Variants in MMP11 observed in about 807,000 individuals in gnomAD.
The protein encoded by MMP11 is matrix metallopeptidase 11.
MMP11 carries 26 observed loss-of-function variants against 49.5 expected under a neutral mutation model. The observed-to-expected ratio is 0.52, with a 90% confidence interval of 0.38 to 0.73. The LOEUF (loss-of-function observed/expected upper bound fraction) is 0.73. Ranked by LOEUF, MMP11 falls within the 30% of genes least tolerant of loss-of-function variation. MMP11 has a pLI of 0.00. For missense variants in MMP11, 624 were observed against 671.2 expected (o/e 0.93, Z 0.78); for synonymous variants, 265 against 282.3 (o/e 0.94, Z 0.62).
intron 6 of MMP11, chr22:23,781,872 T>C (rs1927645475): frequency 3.2e-6 from 2 of 618,018 alleles, no homozygotes; most frequent in Non-Finnish European, 6.2e-6. Context: ...AGGCACAGCA[T>C]GGGAAACCTG....
chr22:23,779,410 C>T lies in MMP11; in HGVS notation c.332C>T (p.Thr111Ile), dbSNP rs1179769301. The T allele has an allele frequency of 9.9e-6, 16 of 1,610,690 alleles. No homozygotes were observed. Among genetic ancestry groups the T allele is most frequent in the Non-Finnish European group, 1.1e-5 (13 of 1,178,864 alleles). The change falls in exon 2 of 8, where the codon ACC becomes ATC. Residue 111 changes from threonine to isoleucine, a missense_variant. By Grantham distance (89) the Thr-to-Ile change is moderately conservative. Transcript: ENST00000215743. ...GGGCGCTGGGAGAAGACGGACCTCA[C>T]CTACAGGTAGGGGCCTGGGAGCAGG... ...SGGRWEKTDL[T>I]YRILRFPWQL...
intron 1 of MMP11, among the ~76,000 whole-genome samples, 164 bp from the exon 2 acceptor site, chr22:23,779,023 G>T (rs1360355827): frequency 6.6e-6 from 1 of 152,202 alleles, no homozygotes; most frequent in Non-Finnish European, 1.5e-5. Context: ...GAGCCAGCCA[G>T]ATGCCAAAGG....
intron 2 of MMP11, 85 bp downstream of exon 2, chr22:23,779,501 C>A: frequency 8.3e-7 from 1 of 1,205,686 alleles, no homozygotes; most frequent in Non-Finnish European, 1.2e-6. Context: ...GCTTGAGACA[C>A]AGGCCAGGGT....
intron 2 of MMP11, 200 bp downstream of exon 2, chr22:23,779,616 C>T: frequency 1.7e-6 from 1 of 585,298 alleles, no homozygotes. Context: ...ATATGGAGAC[C>T]CTCCCTCAGC....
intron 1 of MMP11, among the ~76,000 whole-genome samples, chr22:23,773,558 AGT>A (rs1009703430): frequency 2.0e-5 from 3 of 152,048 alleles, no homozygotes; most frequent in Admixed American, 1.3e-4. Context: ...GTATGAGTGC[AGT>A]GTGTGTGTGA....
intron 1 of MMP11, among the ~76,000 whole-genome samples, chr22:23,778,752 G>A (rs937631143): frequency 4.6e-5 from 7 of 152,244 alleles, no homozygotes; most frequent in Admixed American, 2.0e-4. Context: ...TGACCCAGGT[G>A]TGTCTGAACT....
In MMP11 at chr22:23,779,288, G is replaced by A. The variant is rs144916948; in HGVS notation, c.210G>A (p.Arg70=). ...CCCCTGCCACGCAGGAAGCCCCCCG[G>A]CCTGCCAGCAGCCTCAGGCCTCCCC... ...APAPATQEAP[R]PASSLRPPRC... Residue 70 remains arginine, a synonymous_variant, in exon 2 of 8, where the codon CGG becomes CGA. Transcript: ENST00000215743. The A allele has an allele frequency of 6.2e-7, 1 of 1,610,580 alleles. No homozygotes were observed. The highest frequency in any genetic ancestry group is 8.5e-7 in the Non-Finnish European group (1 of 1,178,992).
chr22:23,780,316 G>A lies in MMP11; in HGVS notation c.339-43G>A, dbSNP rs201480937. 165 of 1,611,256 alleles carry A rather than the reference G, an allele frequency of 1.0e-4. 4 individuals are homozygous for A. In the South Asian group the frequency reaches 1.8e-3, roughly 17 times the overall value. On this transcript the variant is annotated intron_variant, in intron 2 of 7. Transcript: ENST00000215743. The surrounding 1 kb of genome is among the most constrained non-coding windows in gnomAD (Gnocchi z 4.6). ...ACTCCTGGTGCCTCAGCCATCGGGG[G>A]CTGTCCCTTCCCTGAGGCCCAGGCC...
rs1419652793 is a variant in MMP11, at chr22:23,781,098, G to A, written c.856G>A (p.Glu286Lys). Residue 286 changes from glutamate to lysine, a missense_variant and splice_region_variant, in exon 5 of 8, where the codon GAG becomes AAG. Glu to Lys is a moderately conservative substitution (Grantham distance 56, BLOSUM62 1). Coordinates refer to ENST00000215743, the MANE Select transcript of MMP11 (RefSeq NM_005940.5). ...GIDTNEIAPL[E>K]PDAPPDACEA... ...AGACACCAATGAGATTGCACCGCTGGAGGTGAGGCCCTGCCTGCCAGTCCC... is the reference window on the plus strand; with the variant it reads ...AGACACCAATGAGATTGCACCGCTGAAGGTGAGGCCCTGCCTGCCAGTCCC... The A allele has an allele frequency of 1.2e-6, 2 of 1,607,522 alleles. No individual in the cohort carries two copies. Among genetic ancestry groups the A allele is most frequent in the Non-Finnish European group, 1.7e-6 (2 of 1,179,572 alleles).
chr22:23,773,618 A>G (rs1489916714), intron 1 of MMP11, among the ~76,000 whole-genome samples: 1 of 152,038 alleles, frequency 6.6e-6, no homozygotes, highest in Non-Finnish European at 1.5e-5. Context: ...GGAAAGGGAG[A>G]AAATGTGTGC....
In MMP11 at chr22:23,783,867, C is replaced by G; in HGVS notation, c.*323C>G. 1 of 378,900 alleles carries G rather than the reference C, an allele frequency of 2.6e-6. No individual in the cohort carries two copies. Among genetic ancestry groups the G allele is most frequent in the Non-Finnish European group, 5.0e-6 (1 of 199,320 alleles). 23.5% of individuals were successfully genotyped at this position (378,900 alleles called of 1,614,324 possible). On this transcript the variant is annotated 3_prime_UTR_variant, in exon 8 of 8. Coordinates refer to ENST00000215743, the MANE Select transcript of MMP11 (RefSeq NM_005940.5). ...CCTGTCCCTCAGGGTAGCACCATGG[C>G]AGGACTGGGGGAACTGGAGTGTCCT... is the stretch of plus-strand genomic sequence containing the variant.
Position 23,779,241 on chromosome 22 carries a change from C to G in MMP11, c.163C>G (p.Leu55Val). Residue 55 changes from leucine to valine, a missense_variant, in exon 2 of 8, where the codon CTG (leucine) becomes GTG (valine). Physicochemically the swap from Leu to Val is conservative, Grantham distance 32. Transcript: ENST00000215743. Reference protein sequence around the residue: ...RRGPQPWHAALPSSPAPAPAT... With the variant: ...RRGPQPWHAAVPSSPAPAPAT... ...GGGGCCACAGCCCTGGCATGCAGCCCTGCCCAGTAGCCCGGCACCTGCCCC... is the reference window on the plus strand; with the variant it reads ...GGGGCCACAGCCCTGGCATGCAGCCGTGCCCAGTAGCCCGGCACCTGCCCC... 9.3e-6 allele frequency: 15 copies of G among 1,609,190 alleles called. No individual in the cohort carries two copies. The highest frequency in any genetic ancestry group is 1.3e-5 in the Non-Finnish European group (15 of 1,178,454).
chr22:23,779,087 G>C, intron 1 of MMP11, 100 bp from the exon 2 acceptor site: 1 of 950,044 alleles, frequency 1.1e-6, no homozygotes, highest in Non-Finnish European at 1.6e-6. Flanking sequence ...CCACACAGTG[G>C]GCTGGGGTTG....
chr22:23,779,054 C>G, intron 1 of MMP11, 133 bp from the exon 2 acceptor site: 2 of 703,462 alleles, frequency 2.8e-6, no homozygotes, highest in Non-Finnish European at 4.7e-6. Flanking sequence ...GTGCCGGTGC[C>G]CTTTCCCTCT....
At chr22:23,782,529 G>A (rs765801370) in intron 7 of MMP11, 46 bp downstream of exon 7, 14 of 1,557,884 alleles carry the variant, frequency 9.0e-6, no homozygotes, top group South Asian at 2.3e-5. Flanking sequence ...CACAGCAGCC[G>A]CTTCTCCCAC....
chr22:23,782,543 GT>G (rs1927678415), intron 7 of MMP11, 60 bp downstream of exon 7: 4 of 1,528,030 alleles, frequency 2.6e-6, no homozygotes, highest in Admixed American at 1.9e-5. Flanking sequence ...CTCCCACCTG[GT>G]GGTGGCTGGG....
rs187706485 is a variant in MMP11 at position 23,776,590 on chromosome 22, G to A, written c.109-2597G>A. On this transcript the variant is annotated intron_variant, in intron 1 of 7. Coordinates refer to ENST00000215743, the MANE Select transcript of MMP11 (RefSeq NM_005940.5). ...GGAAGGGTAACTCAACCCCTGCAGA[G>A]CAGAGCAGAGGTAGCAGGGAGCTGG... Among the ~76,000 whole-genome samples, 756 of 152,338 alleles carry A rather than the reference G, an allele frequency of 5.0e-3. 20 individuals are homozygous for A. In the South Asian group the frequency reaches 0.085, roughly 17 times the overall value.
intron 1 of MMP11, 98 bp downstream of exon 1, chr22:23,773,076 G>A (rs909739854): frequency 2.2e-5 from 24 of 1,068,266 alleles, no homozygotes; most frequent in Non-Finnish European, 2.7e-5. Flanking sequence ...GGCGCCCCGG[G>A]TGGCCTCCAG....
chr22:23,782,406 A>G lies in MMP11; in HGVS notation c.1256A>G (p.Asp419Gly). The G allele has an allele frequency of 6.2e-7, 1 of 1,613,808 alleles. No homozygotes were observed. Among genetic ancestry groups the G allele is most frequent in the African/African-American group, 1.3e-5 (1 of 75,008 alleles). The change falls in exon 7 of 8, where the codon GAC becomes GGC. Residue 419 changes from aspartate to glycine, a missense_variant. Asp to Gly is a moderately conservative substitution (Grantham distance 94, BLOSUM62 -1). Coordinates refer to ENST00000215743, the MANE Select transcript of MMP11 (RefSeq NM_005940.5). ...WRFHPSTRRV[D>G]SPVPRRATDW... ...TTCCACCCCAGCACCCGGCGTGTAG[A>G]CAGTCCCGTGCCCCGCAGGGCCACT...
Sources: allele counts gnomAD v4.1 joint callset (sites outside exome capture counted in the v4.1 genomes callset), GRCh38; gene constraint gnomAD v4.1.1; non-coding constraint Gnocchi (gnomAD v3.1); transcripts MANE v1.5; gene names NCBI Gene and HGNC (gene_info 2026-07-23, HGNC 2026-07-21).